The following CLUH variants were observed in gnomAD, a reference collection of about 807,000 sequenced individuals.
CLUH encodes the protein CLUH binding protein of NUMT mRNA.
Under a neutral mutation model 139.3 loss-of-function variants are expected in CLUH, and 77 were observed. The ratio of observed to expected loss-of-function variants is 0.55; its 90% CI spans 0.46 to 0.67. CLUH has a LOEUF of 0.67. CLUH is among the 30% of genes least tolerant of loss of function. CLUH has a pLI of 0.00. For synonymous variants in CLUH, 999 were observed against 801.6 expected (o/e 1.25, Z -4.16); for missense variants, 1,876 against 1,875.8 (o/e 1.00, Z 0.00).
Position 2,690,613 on chromosome 17 carries a change from G to A in CLUH, c.4028C>T (p.Ser1343Phe), listed in dbSNP as rs2151685636. The stretch of plus-strand genomic sequence containing the variant: ...CCCTCTCTATCCCTGCACGCTCGGA[G>A]AAGGGTCCTTGGCAGCCGGGGGCTG... ...GSQPPAAKDP[S>F]PSVQG The change falls in exon 26 of 26, where the codon TCT (serine) becomes TTT (phenylalanine). Residue 1343 changes from serine (S) to phenylalanine (F), a missense_variant. Coordinates refer to ENST00000651024, the MANE Select transcript of CLUH (RefSeq NM_001366661.1). 6.7e-7 allele frequency: 1 copy of A among 1,495,726 alleles called. No individual in the cohort carries two copies. The allele number at this position is 1,495,726 out of a possible 1,614,324, so 92.7% of individuals were successfully genotyped here.
chr17:2,695,938 A>T, intron 13 of CLUH: 1 of 593,276 alleles, frequency 1.7e-6, no homozygotes, highest in Non-Finnish European at 3.0e-6. Flanking sequence ...GGCTCAGAAG[A>T]CTGGATTACC....
In CLUH at chr17:2,707,687, G is replaced by C. The variant is rs1479200691; in HGVS notation, c.101-3123C>G. The C allele has an allele frequency of 2.0e-6, 2 of 985,276 alleles. No individual in the cohort carries two copies. Among genetic ancestry groups the C allele is most frequent in the African/African-American group, 3.5e-5 (2 of 57,220 alleles). 61.0% of individuals were successfully genotyped at this position (985,276 alleles called of 1,614,324 possible). Reference sequence around the variant, plus strand: ...CTCCCATCCCAGTGGGGGTGAACAGGACCGCTTCTGCCAGCTGCCGCCAAC... The same window carrying C: ...CTCCCATCCCAGTGGGGGTGAACAGCACCGCTTCTGCCAGCTGCCGCCAAC... On this transcript the variant is annotated intron_variant, in intron 1 of 25. Coordinates refer to ENST00000651024, the MANE Select transcript of CLUH (RefSeq NM_001366661.1). This position sits in a 1 kb window ranked among gnomAD's most constrained non-coding sequence, Gnocchi z 7.4.
intron 16 of CLUH, 35 bp downstream of exon 16, chr17:2,694,822 T>TGCCAACCCC: frequency 7.4e-7 from 1 of 1,346,338 alleles, no homozygotes; most frequent in Non-Finnish European, 1.0e-6. Context: ...ATCTGCCCAA[T>TGCCAACCCC]CCCACCCACC....
In CLUH at chr17:2,695,359, C is replaced by T; in HGVS notation, c.2544+15G>A. 6.2e-7 allele frequency: 1 copy of T among 1,613,034 alleles called. No individual in the cohort carries two copies. Among genetic ancestry groups the T allele is most frequent in the Non-Finnish European group, 8.5e-7 (1 of 1,179,690 alleles). The stretch of plus-strand genomic sequence containing the variant: ...CCCACAGCTCCCGTTCCGCCCCACC[C>T]CGGGCAGCACTCACAAAGACGTGGT... On this transcript the variant is annotated intron_variant, in intron 14 of 25. Transcript: ENST00000651024.
At position 2,707,163 on chromosome 17, in the gene CLUH, C is replaced by T. The variant is rs567004116; in HGVS notation, c.101-2599G>A. On this transcript the variant is annotated intron_variant, in intron 1 of 25. Coordinates refer to ENST00000651024, the MANE Select transcript of CLUH (RefSeq NM_001366661.1). The surrounding 1 kb of genome is among the most constrained non-coding windows in gnomAD (Gnocchi z 7.4). ...GGCAGCTGGCTGGCTCACCAGGTCC[C>T]GGTGCTCACCTGGTGCAGTTGGCAG... is the stretch of plus-strand genomic sequence containing the variant. 1.7e-4 allele frequency: 169 copies of T among 984,920 alleles called. No individual in the cohort carries two copies. The highest frequency in any genetic ancestry group is 7.0e-4 in the South Asian group (15 of 21,282). 61.0% of individuals were successfully genotyped at this position (984,920 alleles called of 1,614,324 possible). A position where few individuals can be genotyped will look rare whatever the true frequency, so the allele number is the denominator to read the frequency against.
intron 1 of CLUH, among the ~76,000 whole-genome samples, chr17:2,705,741 CAAAT>C (rs2070331602): frequency 6.6e-6 from 1 of 152,182 alleles, no homozygotes; most frequent in African/African-American, 2.4e-5. Flanking sequence ...AAAAAGGCAA[CAAAT>C]AAAGTACTTA....
intron 1 of CLUH, among the ~76,000 whole-genome samples, chr17:2,710,703 C>T (rs1211139306): frequency 6.6e-6 from 1 of 152,136 alleles, no homozygotes; most frequent in African/African-American, 2.4e-5. Context: ...AAAGGGAAAG[C>T]AGGCCCCACC....
chr17:2,693,848 C>A, intron 19 of CLUH, 52 bp downstream of exon 19: 2 of 1,556,698 alleles, frequency 1.3e-6, no homozygotes, highest in Admixed American at 1.9e-5. Flanking sequence ...CCCCCTCACT[C>A]CCCATCCCCC....
Position 2,703,319 on chromosome 17 carries a change from T to C in CLUH, c.474A>G (p.Glu158=). The C allele has an allele frequency of 6.2e-7, 1 of 1,608,916 alleles. No individual in the cohort carries two copies. Among genetic ancestry groups the C allele is most frequent in the South Asian group, 1.1e-5 (1 of 90,290 alleles). The stretch of plus-strand genomic sequence containing the variant: ...AGGCTGTCCAACTTCCAGACCAACC[T>C]TCCACCACACGCAGCACAGAGCCCT... The part of the protein sequence containing the change: ...LQEGSVLRVV[E]EPYTVREARI... The change falls in exon 3 of 26, where the codon GAA becomes GAG. Residue 158 remains glutamate (E), a splice_region_variant and synonymous_variant. Coordinates refer to ENST00000651024, the MANE Select transcript of CLUH (RefSeq NM_001366661.1). This position sits in a 1 kb window ranked among gnomAD's most constrained non-coding sequence, Gnocchi z 4.2.
intron 10 of CLUH, 39 bp from the exon 11 acceptor site, chr17:2,696,981 T>G: frequency 1.4e-6 from 2 of 1,457,220 alleles, no homozygotes; most frequent in East Asian, 2.5e-5. Flanking sequence ...GAGCTGGACA[T>G]CGGGGAGAGG....
chr17:2,695,529 G>A lies in CLUH; in HGVS notation c.2392-3C>T. 4 of 1,593,278 alleles carry A rather than the reference G, an allele frequency of 2.5e-6. No homozygotes were observed. Among genetic ancestry groups the A allele is most frequent in the Non-Finnish European group, 3.4e-6 (4 of 1,175,332 alleles). ...GCGTGCTCCATGCAGTCCTTCACCTGCGGGCTGCAGCAGCTCAGGCCCCCA... is the reference window on the plus strand; with the variant it reads ...GCGTGCTCCATGCAGTCCTTCACCTACGGGCTGCAGCAGCTCAGGCCCCCA... On this transcript the variant is annotated splice_polypyrimidine_tract_variant and splice_region_variant and intron_variant, in intron 13 of 25. Transcript: ENST00000651024.
Position 2,707,584 on chromosome 17 carries a change from T to C in CLUH, c.101-3020A>G. On this transcript the variant is annotated intron_variant, in intron 1 of 25. Transcript: ENST00000651024. The surrounding 1 kb of genome is among the most constrained non-coding windows in gnomAD (Gnocchi z 7.4). ...GGATCGGAGAACCCAGAATTTGGGG[T>C]ACCTGGACCCCTCAAGATTGAGGGC... 3.0e-6 allele frequency: 3 copies of C among 985,270 alleles called. No individual in the cohort carries two copies. The highest frequency in any genetic ancestry group is 3.6e-6 in the Non-Finnish European group (3 of 829,878). 61.0% of individuals were successfully genotyped at this position (985,270 alleles called of 1,614,324 possible). A position where few individuals can be genotyped will look rare whatever the true frequency, so the allele number is the denominator to read the frequency against.
chr17:2,701,412 G>A lies in CLUH; in HGVS notation c.853C>T (p.Arg285Trp), dbSNP rs1196033304. ...GTGGACGCGGTGATGCTGACTTGCC[G>A]GTCCTCGGCTGTGATCACAAACAGG... Reference protein sequence around the residue: ...MYLFVITAEDRQVSITASTRG... With the variant: ...MYLFVITAEDWQVSITASTRG... Residue 285 changes from arginine to tryptophan, a missense_variant, in exon 6 of 26, where the codon CGG (arginine) becomes TGG (tryptophan). By Grantham distance (101) the Arg-to-Trp change is moderately radical. Coordinates refer to ENST00000651024, the MANE Select transcript of CLUH (RefSeq NM_001366661.1). 5 of 1,611,268 alleles carry A rather than the reference G, an allele frequency of 3.1e-6. No individual in the cohort carries two copies. The highest frequency in any genetic ancestry group is 4.2e-6 in the Non-Finnish European group (5 of 1,178,952).
rs186156802 is a variant in CLUH, at chr17:2,695,122, G to A, written c.2608-21C>T. The A allele has an allele frequency of 4.2e-5, 68 of 1,612,334 alleles. No homozygotes were observed. The East Asian group carries it at 1.1e-3, about 26-fold the overall frequency. On this transcript the variant is annotated intron_variant, in intron 15 of 25. Coordinates refer to ENST00000651024, the MANE Select transcript of CLUH (RefSeq NM_001366661.1). ...ACTCCCTGCGAGGCAGGTTGGATCCGAGTCATGAGGGCCCTCAGCCCCACC... is the reference window on the plus strand; with the variant it reads ...ACTCCCTGCGAGGCAGGTTGGATCCAAGTCATGAGGGCCCTCAGCCCCACC...
In CLUH at chr17:2,698,247, C is replaced by T; in HGVS notation, c.1610G>A (p.Ser537Asn). ...PGILERDQEQ[S>N]VIYGSIDFGK... ...GAAGTCGATGGAGCCGTAGATGACGCTCTGCTCCTGGTCCCGCTCCAGGAT... is the reference window on the plus strand; with the variant it reads ...GAAGTCGATGGAGCCGTAGATGACGTTCTGCTCCTGGTCCCGCTCCAGGAT... Residue 537 changes from serine to asparagine, a missense_variant, in exon 10 of 26, where the codon AGC (serine) becomes AAC (asparagine). Physicochemically the swap from Ser to Asn is conservative, Grantham distance 46. Coordinates refer to ENST00000651024, the MANE Select transcript of CLUH (RefSeq NM_001366661.1). The T allele has an allele frequency of 3.1e-6, 5 of 1,603,946 alleles. No homozygotes were observed. Among genetic ancestry groups the T allele is most frequent in the Non-Finnish European group, 4.3e-6 (5 of 1,175,894 alleles).
Position 2,704,610 on chromosome 17 carries a change from G to GACCA in CLUH, c.101-47_101-46insTGGT. On this transcript the variant is annotated intron_variant, in intron 1 of 25. Coordinates refer to ENST00000651024, the MANE Select transcript of CLUH (RefSeq NM_001366661.1). The surrounding 1 kb of genome is among the most constrained non-coding windows in gnomAD (Gnocchi z 5.7). Reference sequence around the variant, plus strand: ...TCAGAATCAGGCAGCCTCGCTGGTCGGCGGGGCTGTCCGCCTGACCCCACA... The same window carrying GACCA: ...TCAGAATCAGGCAGCCTCGCTGGTCGACCAGCGGGGCTGTCCGCCTGACCCCACA... 6.7e-7 allele frequency: 1 copy of GACCA among 1,490,212 alleles called. No homozygotes were observed. Among genetic ancestry groups the GACCA allele is most frequent in the Non-Finnish European group, 9.0e-7 (1 of 1,111,556 alleles). The allele number at this position is 1,490,212 out of a possible 1,614,324, so 92.3% of individuals were successfully genotyped here.
chr17:2,707,270 C>G lies in CLUH; in HGVS notation c.101-2706G>C, dbSNP rs1405667276. ...TCTCCAGCTCAGCCCCAGCATTGCC[C>G]GGGTTCCTTGTTCCAGCCTCTGCCG... On this transcript the variant is annotated intron_variant, in intron 1 of 25. Transcript: ENST00000651024. This position sits in a 1 kb window ranked among gnomAD's most constrained non-coding sequence, Gnocchi z 7.4. 1 of 985,298 alleles carries G rather than the reference C, an allele frequency of 1.0e-6. No homozygotes were observed. The allele number at this position is 985,298 out of a possible 1,614,324, so 61.0% of individuals were successfully genotyped here.
At position 2,704,497 on chromosome 17, in the gene CLUH, G is replaced by C; in HGVS notation, c.168C>G (p.Ala56=). ...CAAGCCCATTTTCCCTGGGTGGCTCGGCCGCCGCCGCCTCCTTCTTCAGGC... is the reference window on the plus strand; with the variant it reads ...CAAGCCCATTTTCCCTGGGTGGCTCCGCCGCCGCCGCCTCCTTCTTCAGGC... ...PESLKKEAAA[A]EPPRENGLDE... The change falls in exon 2 of 26, where the codon GCC becomes GCG. Residue 56 remains alanine (A), a synonymous_variant. Transcript: ENST00000651024. The surrounding 1 kb of genome is among the most constrained non-coding windows in gnomAD (Gnocchi z 5.7). 1.3e-6 allele frequency: 2 copies of C among 1,587,624 alleles called. No homozygotes were observed. Among genetic ancestry groups the C allele is most frequent in the South Asian group, 1.1e-5 (1 of 87,188 alleles).
intron 23 of CLUH, 37 bp downstream of exon 23, chr17:2,691,967 G>A: frequency 4.1e-6 from 3 of 727,964 alleles, no homozygotes; most frequent in South Asian, 2.9e-5. Flanking sequence ...CCACGCCCCC[G>A]CCCCGCCCCC....
Sources: gnomAD v4.1 joint callset for allele counts (sites outside exome capture counted in the v4.1 genomes callset) on GRCh38, gnomAD v4.1.1 for gene constraint, Gnocchi (gnomAD v3.1) non-coding constraint, MANE v1.5 for transcripts, NCBI Gene and HGNC (gene_info 2026-07-23, HGNC 2026-07-21) for gene names.